DYNAP: variants seen among roughly 807,000 people sequenced by gnomAD.
DYNAP encodes dynactin-associated protein.
In DYNAP, 7 loss-of-function variants were observed where a neutral mutation model predicts 8.5. The observed-to-expected ratio is 0.82, with a 90% CI of 0.47 to 1.54. The LOEUF (loss-of-function observed/expected upper bound fraction) is 1.54, where lower values mean the gene tolerates loss of function less well. Among genes scored for constraint, DYNAP ranks in the 40% most tolerant of loss-of-function variants. The pLI, the probability that DYNAP is intolerant of heterozygous loss-of-function variation, is 0.01. For missense variants in DYNAP, 256 were observed against 224.3 expected (o/e 1.14, Z -0.90); for synonymous variants, 77 against 77.9 (o/e 0.99, Z 0.06).
Position 54,594,981 on chromosome 18 carries a change from T to C in DYNAP, c.100T>C (p.Cys34Arg), listed in dbSNP as rs1316815128. The change falls in exon 2 of 3, where the codon TGC becomes CGC. Residue 34 changes from cysteine to arginine, a missense_variant. Transcript: ENST00000648945. ...TGACCAAGAGGCTCACAGTTCCATA[T>C]GCTGGTGTCTACCTTCAAATGATAT... ...PNDQEAHSSI[C>R]WCLPSNDITS... The C allele has an allele frequency of 6.2e-7, 1 of 1,612,720 alleles. No homozygotes were observed. Among genetic ancestry groups the C allele is most frequent in the South Asian group, 1.1e-5 (1 of 90,978 alleles).
At chr18:54,595,180 A>G (rs2144890459) in intron 2 of DYNAP, 77 bp downstream of exon 2, 1 of 1,405,996 alleles carries the variant, frequency 7.1e-7, no homozygotes, top group East Asian at 2.5e-5. Context: ...ATTCTTTCCC[A>G]AGAAATGTAC....
chr18:54,577,773 G>GC, the DYNAP span, among the ~76,000 whole-genome samples: 9 of 151,698 alleles, frequency 5.9e-5, no homozygotes, highest in Admixed American at 4.6e-4. Flanking sequence ...TTCGAGACCA[G>GC]CTGGCCAATA....
chr18:54,589,338 A>G (rs1395452959), upstream of DYNAP, among the ~76,000 whole-genome samples: 3 of 152,018 alleles, frequency 2.0e-5, no homozygotes, highest in Non-Finnish European at 4.4e-5. Flanking sequence ...TTTATTGGCG[A>G]CTCTGAGAAG....
At chr18:54,588,466 A>G (rs1261836055), upstream of DYNAP, among the ~76,000 whole-genome samples, 2 of 152,138 alleles carry the variant, frequency 1.3e-5, no homozygotes, top group Admixed American at 6.5e-5. Flanking sequence ...CAGCCTCCCA[A>G]AGTGCTGGGA....
chr18:54,578,188 G>A, the DYNAP span, among the ~76,000 whole-genome samples: 1 of 152,126 alleles, frequency 6.6e-6, no homozygotes, highest in African/African-American at 2.4e-5. Flanking sequence ...ATCCTCTCAT[G>A]GACTGGCCCT....
chr18:54,580,312 G>A, the DYNAP span, among the ~76,000 whole-genome samples: 1 of 152,180 alleles, frequency 6.6e-6, no homozygotes, highest in Admixed American at 6.5e-5. Context: ...GACACCACCT[G>A]TCATGGTCTA....
chr18:54,581,325 A>G, the DYNAP span, among the ~76,000 whole-genome samples: 5 of 152,262 alleles, frequency 3.3e-5, no homozygotes, highest in Admixed American at 6.5e-5. Flanking sequence ...GAGATGCAGA[A>G]GAAATAACGA....
chr18:54,576,571 G>T, the DYNAP span, among the ~76,000 whole-genome samples: 3 of 152,028 alleles, frequency 2.0e-5, no homozygotes, highest in African/African-American at 7.2e-5. Flanking sequence ...GGCTGAGGTG[G>T]GAGGATTGCT....
chr18:54,585,418 C>G (rs1910841945), upstream of DYNAP, among the ~76,000 whole-genome samples: 1 of 152,022 alleles, frequency 6.6e-6, no homozygotes. Flanking sequence ...TTCATTCTAG[C>G]TTTTACTCTA....
Position 54,591,309 on chromosome 18 carries a change from A to G in DYNAP, c.27A>G (p.Ile9Met). ...TGGACAGAAAGCATGGAAAATACAT[A>G]TTGAACGTTGAGCACTCTGAAAACC... MDRKHGKY[I>M]LNVEHSENQP... The change falls in exon 1 of 3, where the codon ATA becomes ATG. Residue 9 changes from isoleucine to methionine, a missense_variant. Ile to Met is a conservative substitution (Grantham distance 10, BLOSUM62 1). Transcript: ENST00000648945. The G allele has an allele frequency of 6.2e-7, 1 of 1,611,682 alleles. No individual in the cohort carries two copies. Among genetic ancestry groups the G allele is most frequent in the Non-Finnish European group, 8.5e-7 (1 of 1,178,662 alleles).
At chr18:54,597,197 A>T (rs1047010342) in intron 2 of DYNAP, among the ~76,000 whole-genome samples, 1 of 152,042 alleles carries the variant, frequency 6.6e-6, no homozygotes, top group Non-Finnish European at 1.5e-5. Flanking sequence ...TCTTCTCAAC[A>T]ACAATATGAG....
chr18:54,582,780 T>C (rs1026561851), upstream of DYNAP, among the ~76,000 whole-genome samples: 5 of 152,230 alleles, frequency 3.3e-5, no homozygotes, highest in Admixed American at 1.3e-4. Flanking sequence ...ATTTCTTCTT[T>C]GACCTCATAT....
chr18:54,593,462 TA>T (rs1911164082), intron 1 of DYNAP, among the ~76,000 whole-genome samples: 1 of 152,194 alleles, frequency 6.6e-6, no homozygotes, highest in Non-Finnish European at 1.5e-5. Flanking sequence ...ATTTGGCAGT[TA>T]TTTACTCAGT....
At chr18:54,594,592 C>T (rs1302672575) in intron 1 of DYNAP, among the ~76,000 whole-genome samples, 1 of 152,014 alleles carries the variant, frequency 6.6e-6, no homozygotes, top group Non-Finnish European at 1.5e-5. Context: ...ACAGGTTGTA[C>T]CCAATAAGAT....
intron 1 of DYNAP, among the ~76,000 whole-genome samples, chr18:54,591,942 A>T (rs1403958716): frequency 1.3e-5 from 2 of 152,130 alleles, no homozygotes; most frequent in Non-Finnish European, 2.9e-5. Context: ...TATCCAACCA[A>T]ATAATCTTTG....
rs149050212 is a variant in DYNAP at position 54,594,029 on chromosome 18, C to T, written c.58-910C>T. Among the ~76,000 whole-genome samples the T allele has an allele frequency of 7.9e-3, 1,195 of 152,166 alleles. 15 individuals are homozygous for T. The highest frequency in any genetic ancestry group is 0.041 in the Middle Eastern group (12 of 294). On this transcript the variant is annotated intron_variant, in intron 1 of 2. Transcript: ENST00000648945. ...TCATGTTCACTTTATCTTATCCTTC[C>T]CCTCTTTTAACACACCCCTTCCCTA...
upstream of DYNAP, among the ~76,000 whole-genome samples, chr18:54,589,811 T>G (rs1378204791): frequency 6.6e-6 from 1 of 152,094 alleles, no homozygotes; most frequent in Non-Finnish European, 1.5e-5. Context: ...TAATATATAT[T>G]ATTGGTTTAA....
chr18:54,576,894 A>C, the DYNAP span, among the ~76,000 whole-genome samples: 4 of 152,148 alleles, frequency 2.6e-5, no homozygotes, highest in Non-Finnish European at 5.9e-5. Context: ...TGATTCCTCT[A>C]TTTGCATAGT....
chr18:54,596,969 G>C (rs999716133), intron 2 of DYNAP, among the ~76,000 whole-genome samples: 2 of 151,932 alleles, frequency 1.3e-5, no homozygotes, highest in African/African-American at 4.8e-5. Context: ...AAATACCATG[G>C]CACATATTTT....
Sources: gnomAD v4.1 joint callset for allele counts (sites outside exome capture counted in the v4.1 genomes callset) on GRCh38, gnomAD v4.1.1 for gene constraint, MANE v1.5 for transcripts, NCBI Gene and HGNC (gene_info 2026-07-23, HGNC 2026-07-21) for gene names.